The following TAB2 variants were observed in gnomAD, a reference collection of about 807,000 sequenced individuals.
TAB2 encodes TGF-beta activated kinase 1 (MAP3K7) binding protein 2.
Under a neutral mutation model 65.0 loss-of-function variants are expected in TAB2, and 3 were observed. The observed-to-expected ratio is 0.05, with a 90% CI of 0.02 to 0.12. TAB2 has a LOEUF of 0.12. TAB2 is among the 10% of genes least tolerant of loss of function. The pLI, the probability that TAB2 is intolerant of heterozygous loss-of-function variation, is 1.00. For synonymous variants in TAB2, 298 were observed against 285.1 expected (o/e 1.05, Z -0.46); for missense variants, 623 against 840.3 (o/e 0.74, Z 3.20).
upstream of TAB2, chr6:149,218,038 A>G (rs906928781): frequency 6.6e-6 from 1 of 152,234 alleles, no homozygotes; most frequent in Admixed American, 6.5e-5. Context: ...GAACTACGAG[A>G]CAAGAGGAGC....
At chr6:149,362,889 C>T (rs1780897838) in intron 1 of TAB2, among the ~76,000 whole-genome samples, 1 of 152,074 alleles carries the variant, frequency 6.6e-6, no homozygotes, top group Admixed American at 6.5e-5. Context: ...AATGTTTCTC[C>T]CTTGTCCCCT....
intron 6 of TAB2, among the ~76,000 whole-genome samples, chr6:149,403,289 C>T (rs1301854688): frequency 0.011 from 354 of 32,188 alleles, 8 homozygotes; most frequent in African/African-American, 0.044. Context: ...TATATACACA[C>T]ACACACATAT....
Position 149,398,014 on chromosome 6 carries a change from A to G in TAB2, c.1810A>G (p.Ile604Val), listed in dbSNP as rs764229607. The G allele has an allele frequency of 6.2e-7, 1 of 1,613,932 alleles. No individual in the cohort carries two copies. Among genetic ancestry groups the G allele is most frequent in the Non-Finnish European group, 8.5e-7 (1 of 1,179,954 alleles). ...GAGAAGTTGTAATAGACAACTCCAG[A>G]TTGACATTGACTGCTTAACCAAAGA... ...QLRSCNRQLQ[I>V]DIDCLTKEID... is the part of the protein sequence containing the mutation. The change falls in exon 5 of 7, where the codon ATT becomes GTT. Residue 604 changes from isoleucine to valine, a missense_variant. This residue lies in a region of TAB2 where 56 missense variants were observed against 130.3 expected (regional missense o/e 0.43). Coordinates refer to ENST00000637181, the MANE Select transcript of TAB2 (RefSeq NM_001292034.3).
intron 1 of TAB2, chr6:149,318,838 G>C (rs1316312629): frequency 6.6e-6 from 1 of 152,186 alleles, no homozygotes; most frequent in African/African-American, 2.4e-5. Context: ...GTATATTTGA[G>C]ATGTTAGGTT....
At chr6:149,258,184 C>T (rs781051257) in intron 1 of TAB2, among the ~76,000 whole-genome samples, 4 of 152,074 alleles carry the variant, frequency 2.6e-5, no homozygotes, top group Admixed American at 6.5e-5. Context: ...GCACATGAAC[C>T]GAAGGCAGTG....
intron 1 of TAB2, among the ~76,000 whole-genome samples, chr6:149,350,599 A>G (rs1344439280): frequency 6.9e-6 from 1 of 145,110 alleles, no homozygotes; most frequent in Non-Finnish European, 1.5e-5. Flanking sequence ...GATATTCGGC[A>G]TGAACCATAT....
chr6:149,345,536 T>G (rs1412284287), intron 1 of TAB2, among the ~76,000 whole-genome samples: 1 of 150,480 alleles, frequency 6.6e-6, no homozygotes, highest in Non-Finnish European at 1.5e-5. Context: ...AGGAATAACT[T>G]TATAGTAATG....
chr6:149,230,831 G>A (rs1208401609), intron 1 of TAB2, among the ~76,000 whole-genome samples: 1 of 152,212 alleles, frequency 6.6e-6, no homozygotes, highest in Non-Finnish European at 1.5e-5. Flanking sequence ...GACATTCACA[G>A]CAAAGGTTAG....
intron 1 of TAB2, among the ~76,000 whole-genome samples, chr6:149,360,430 G>C (rs1194770021): frequency 1.3e-5 from 2 of 152,154 alleles, no homozygotes; most frequent in Non-Finnish European, 2.9e-5. Flanking sequence ...CGGAAGCAAG[G>C]GAGGAGGAAG....
chr6:149,391,322 G>T (rs967253578), intron 3 of TAB2, among the ~76,000 whole-genome samples: 2 of 151,510 alleles, frequency 1.3e-5, no homozygotes, highest in African/African-American at 2.4e-5. Context: ...TGGTGTAGGG[G>T]TTTTTTTTAA....
At chr6:149,254,487 A>G (rs1166472220) in intron 1 of TAB2, among the ~76,000 whole-genome samples, 1 of 152,198 alleles carries the variant, frequency 6.6e-6, no homozygotes, top group Admixed American at 6.5e-5. Flanking sequence ...TCTCCACATT[A>G]TTCCAACTTT....
At chr6:149,309,883 GGT>G (rs59732519) in intron 1 of TAB2, among the ~76,000 whole-genome samples, 11 of 149,434 alleles carry the variant, frequency 7.4e-5, no homozygotes, top group South Asian at 2.1e-4. Flanking sequence ...TGTGGGTGTG[GGT>G]GTGTGTGTGT....
chr6:149,279,806 T>C (rs1778539928), intron 1 of TAB2, among the ~76,000 whole-genome samples: 1 of 152,214 alleles, frequency 6.6e-6, no homozygotes, highest in South Asian at 2.1e-4. Context: ...CCCCCAAACA[T>C]TCTAACCTCT....
At chr6:149,333,083 A>G (rs1779830464) in intron 1 of TAB2, among the ~76,000 whole-genome samples, 1 of 152,246 alleles carries the variant, frequency 6.6e-6, no homozygotes, top group South Asian at 2.1e-4. Context: ...GCATGAGTAC[A>G]ATACCTTGGC....
intron 1 of TAB2, among the ~76,000 whole-genome samples, chr6:149,231,809 G>C (rs557618793): frequency 1.3e-5 from 2 of 152,188 alleles, no homozygotes; most frequent in Non-Finnish European, 2.9e-5. Flanking sequence ...CAAACATCAG[G>C]GGAGCAGAGG....
At chr6:149,246,299 C>G (rs547977416) in intron 1 of TAB2, 1 of 152,316 alleles carries the variant, frequency 6.6e-6, no homozygotes, top group Non-Finnish European at 1.5e-5. Context: ...AGCAAATGGT[C>G]TGTTCAGGCC....
chr6:149,219,306 T>TTGTG (rs3064238), intron 1 of TAB2, among the ~76,000 whole-genome samples: 9,675 of 146,162 alleles, frequency 0.066, 400 homozygotes, highest in East Asian at 0.21. Context: ...ATTTTAACAT[T>TTGTG]TGTGTGTGTG....
chr6:149,306,141 C>A (rs1378541176), intron 1 of TAB2, among the ~76,000 whole-genome samples: 2 of 152,192 alleles, frequency 1.3e-5, no homozygotes, highest in Non-Finnish European at 2.9e-5. Context: ...CATGGTAGCT[C>A]ATGCCTGTAA....
chr6:149,369,295 C>T (rs1036363804), intron 1 of TAB2, among the ~76,000 whole-genome samples: 1 of 151,926 alleles, frequency 6.6e-6, no homozygotes. Flanking sequence ...CTCCATATGC[C>T]CAGGCTGCTC....
Sources: gnomAD v4.1 joint callset for allele counts (sites outside exome capture counted in the v4.1 genomes callset) on GRCh38, gnomAD v4.1.1 for gene constraint, gnomAD v4.1.1 regional missense constraint, MANE v1.5 for transcripts, NCBI Gene and HGNC (gene_info 2026-07-23, HGNC 2026-07-21) for gene names.